The following ANK1 variants were observed in gnomAD, a reference collection of about 807,000 sequenced individuals.
ANK1 encodes the protein ankyrin 1, also known as ankyrin-1.
In ANK1, 51 loss-of-function variants were observed where a neutral mutation model predicts 210.4. The ratio of observed to expected loss-of-function variants is 0.24; its 90% CI spans 0.19 to 0.31. The LOEUF (loss-of-function observed/expected upper bound fraction) is 0.31, where lower values mean the gene tolerates loss of function less well. Ranked by LOEUF, ANK1 falls within the 10% of genes least tolerant of loss-of-function variation. ANK1 has a pLI of 1.00. For synonymous variants in ANK1, 967 were observed against 1,025.9 expected (o/e 0.94, Z 1.10); for missense variants, 2,051 against 2,504.4 (o/e 0.82, Z 3.86).
Position 41,699,492 on chromosome 8 carries a change from C to T in ANK1, c.2518G>A (p.Glu840Lys), listed in dbSNP as rs746374514. The change falls in exon 23 of 43, where the codon GAG becomes AAG. Residue 840 changes from glutamate (E) to lysine (K), a missense_variant. Glu to Lys is a moderately conservative substitution (Grantham distance 56). This residue lies in a region of ANK1 where 1,413 missense variants were observed against 1,707.4 expected (regional missense o/e 0.83). Transcript: ENST00000289734. ...ERRDSRDVDE[E>K]KELLDFVPKL... ...GGCACAAAATCCAGCAGCTCCTTCT[C>T]TTCATCAACATCCCTGGAATCCCGC... The T allele has an allele frequency of 1.9e-5, 30 of 1,614,188 alleles. No homozygotes were observed. In the South Asian group the frequency reaches 2.9e-4, roughly 15 times the overall value.
rs199740470 is a variant in ANK1, at chr8:41,672,620, C to T, written c.4830G>A (p.Pro1610=). The T allele has an allele frequency of 6.2e-6, 10 of 1,614,104 alleles. No homozygotes were observed. In the East Asian group the frequency reaches 6.7e-5, roughly 11 times the overall value. ...CCAGAGAGCCCAACTCGGGGCCCCG[C>T]GGTTCCTCTGAGAGTGCCCCCTCCA... The part of the protein sequence containing the change: ...WKLEGALSEE[P]RGPELGSLEL... The change falls in exon 38 of 43, where the codon CCG becomes CCA. Residue 1610 remains proline, a synonymous_variant. Coordinates refer to ENST00000289734, the MANE Select transcript of ANK1 (RefSeq NM_000037.4).
chr8:41,682,562 T>G (rs1816398458), intron 37 of ANK1, among the ~76,000 whole-genome samples: 1 of 152,216 alleles, frequency 6.6e-6, no homozygotes, highest in Non-Finnish European at 1.5e-5. Flanking sequence ...GCTGACCCCC[T>G]GAAGCAGAGC....
chr8:41,777,295 C>T (rs995650930), intron 1 of ANK1, among the ~76,000 whole-genome samples: 16 of 152,124 alleles, frequency 1.1e-4, no homozygotes, highest in African/African-American at 3.6e-4. Context: ...AGAAATATGG[C>T]TGGGTGCAGT....
At chr8:41,854,959 A>C (rs7830255) in intron 1 of ANK1, among the ~76,000 whole-genome samples, 4,516 of 151,446 alleles carry the variant, frequency 0.03, 246 homozygotes, top group African/African-American at 0.1. Flanking sequence ...AAAGAAAAAA[A>C]AAAAAAAGAA....
intron 2 of ANK1, among the ~76,000 whole-genome samples, chr8:41,751,231 T>A (rs1837633435): frequency 1.3e-5 from 2 of 152,126 alleles, no homozygotes. Context: ...CTAATATGGG[T>A]CTGTGCACAA....
chr8:41,692,564 G>C, intron 31 of ANK1, 84 bp downstream of exon 31: 1 of 1,379,118 alleles, frequency 7.3e-7, no homozygotes, highest in African/African-American at 1.4e-5. Flanking sequence ...AGGGAGGACT[G>C]CCTGCCTGCA....
At chr8:41,667,127 G>T (rs563866214) in intron 39 of ANK1, among the ~76,000 whole-genome samples, 1 of 152,366 alleles carries the variant, frequency 6.6e-6, no homozygotes, top group East Asian at 1.9e-4. Flanking sequence ...AGAAACGGAC[G>T]GGCCGCCTGT....
Position 41,756,435 on chromosome 8 carries a change from C to T in ANK1, c.129+1601G>A, listed in dbSNP as rs112328615. Among the ~76,000 whole-genome samples the T allele has an allele frequency of 9.2e-3, 1,382 of 150,144 alleles. 29 individuals carry two copies. The highest frequency in any genetic ancestry group is 0.032 in the African/African-American group (1,301 of 40,660). On this transcript the variant is annotated intron_variant, in intron 2 of 42. Transcript: ENST00000289734. ...CTGGGATTACAGGTGTGAGCCACCG[C>T]GCCCGGTCTATTTTATTTTATTTCT... is the stretch of plus-strand genomic sequence containing the variant.
chr8:41,680,741 G>A (rs1443452137), intron 37 of ANK1, among the ~76,000 whole-genome samples: 3 of 152,296 alleles, frequency 2.0e-5, no homozygotes, highest in Middle Eastern at 3.4e-3. Context: ...GTAGCTAGCT[G>A]TATTGCTGGT....
At chr8:41,851,340 G>A (rs1319565339) in intron 1 of ANK1, among the ~76,000 whole-genome samples, 1 of 152,204 alleles carries the variant, frequency 6.6e-6, no homozygotes, top group African/African-American at 2.4e-5. Flanking sequence ...GGCGTTGCAG[G>A]CCCACAGAAA....
intron 1 of ANK1, among the ~76,000 whole-genome samples, chr8:41,869,060 T>G (rs904404002): frequency 6.6e-6 from 1 of 152,218 alleles, no homozygotes; most frequent in Non-Finnish European, 1.5e-5. Flanking sequence ...CTGATTCTGA[T>G]GAGAAACTCA....
chr8:41,696,785 G>A lies in ANK1; in HGVS notation c.2638-12C>T. On this transcript the variant is annotated splice_polypyrimidine_tract_variant and intron_variant, in intron 24 of 42. Coordinates refer to ENST00000289734, the MANE Select transcript of ANK1 (RefSeq NM_000037.4). ...TACTCTTTAGATGCCTGAGGAGAGA[G>A]AAAGGGTCCTCCTGTCCCACCTCCT... is the stretch of plus-strand genomic sequence containing the variant. 1.3e-6 allele frequency: 2 copies of A among 1,596,428 alleles called. No homozygotes were observed. Among genetic ancestry groups the A allele is most frequent in the Non-Finnish European group, 1.7e-6 (2 of 1,177,452 alleles).
At chr8:41,732,882 C>T (rs1352285493) in intron 3 of ANK1, among the ~76,000 whole-genome samples, 3 of 151,966 alleles carry the variant, frequency 2.0e-5, no homozygotes, top group Non-Finnish European at 2.9e-5. Context: ...GGATTACAGG[C>T]GCCCGCCACC....
At chr8:41,750,534 C>T (rs533065943) in intron 2 of ANK1, among the ~76,000 whole-genome samples, 130 of 151,826 alleles carry the variant, frequency 8.6e-4, no homozygotes, top group Admixed American at 6.3e-3. Context: ...TAAGCTTTCA[C>T]CATTCATAGC....
intron 1 of ANK1, among the ~76,000 whole-genome samples, chr8:41,781,515 G>A (rs1464904970): frequency 3.3e-5 from 5 of 152,170 alleles, no homozygotes; most frequent in Admixed American, 1.3e-4. Flanking sequence ...TCACCACCCT[G>A]CCCTCCCTTC....
chr8:41,782,044 A>G (rs1291914911), intron 1 of ANK1, among the ~76,000 whole-genome samples: 3 of 152,316 alleles, frequency 2.0e-5, no homozygotes, highest in African/African-American at 7.2e-5. Context: ...GGGATTTTTA[A>G]AGGCTAGGCA....
chr8:41,689,296 A>ATTT (rs35806325), intron 33 of ANK1, among the ~76,000 whole-genome samples: 3 of 144,332 alleles, frequency 2.1e-5, no homozygotes, highest in Non-Finnish European at 3.0e-5. Flanking sequence ...CTAATTTTTC[A>ATTT]TTTTTTTTTT....
Position 41,758,008 on chromosome 8 carries a change from A to AC in ANK1, c.129+27dup, listed in dbSNP as rs1229764008. 1.9e-6 allele frequency: 3 copies of AC among 1,588,498 alleles called. No homozygotes were observed. In the African/African-American group the frequency reaches 4.0e-5, roughly 21 times the overall value. On this transcript the variant is annotated intron_variant, in intron 2 of 42. Coordinates refer to ENST00000289734, the MANE Select transcript of ANK1 (RefSeq NM_000037.4). ...ATCAGGCAAGAGCTACTCTTCAGAGACAACAGGCCTGCCTCCATCCCACTT... is the reference window on the plus strand; with the variant it reads ...ATCAGGCAAGAGCTACTCTTCAGAGACCAACAGGCCTGCCTCCATCCCACTT...
In ANK1 at chr8:41,690,457, C is replaced by T; in HGVS notation, c.3984+17G>A. On this transcript the variant is annotated intron_variant, in intron 32 of 42. Transcript: ENST00000289734. Reference sequence around the variant, plus strand: ...TTTCTAGACCCAGAGGAGAACTCAGCCAGAGGGTGCCGGCACCTTTACAGG... The same window carrying T: ...TTTCTAGACCCAGAGGAGAACTCAGTCAGAGGGTGCCGGCACCTTTACAGG... The T allele has an allele frequency of 6.2e-7, 1 of 1,614,198 alleles. No homozygotes were observed. The highest frequency in any genetic ancestry group is 8.5e-7 in the Non-Finnish European group (1 of 1,180,018).
Sources: gnomAD v4.1 joint callset for allele counts (sites outside exome capture counted in the v4.1 genomes callset) on GRCh38, gnomAD v4.1.1 for gene constraint, gnomAD v4.1.1 regional missense constraint, MANE v1.5 for transcripts, NCBI Gene and HGNC (gene_info 2026-07-23, HGNC 2026-07-21) for gene names.